Variants in CADM2 observed in about 807,000 individuals in gnomAD.
CADM2 encodes the protein immunoglobulin superfamily member 4D.
Under a neutral mutation model 49.8 loss-of-function variants are expected in CADM2, and 12 were observed. That is an observed-to-expected ratio of 0.24 (90% CI 0.15 to 0.39). The LOEUF is 0.39. CADM2 is among the 10% of genes least tolerant of loss of function. The pLI, the probability that CADM2 is intolerant of heterozygous loss-of-function variation, is 1.00. For missense variants in CADM2, 378 were observed against 492.3 expected, an observed-to-expected ratio of 0.77 and a Z score of 2.20; for synonymous variants, 214 against 175.4, an observed-to-expected ratio of 1.22 and a Z score of -1.74.
At chr3:85,105,280 G>A (rs1391446757) in intron 1 of CADM2, among the ~76,000 whole-genome samples, 1 of 152,110 alleles carries the variant, frequency 6.6e-6, no homozygotes, top group Non-Finnish European at 1.5e-5. Flanking sequence ...CAAAAAGTGG[G>A]CAAAGGACAT....
chr3:85,665,385 T>C (rs967479500), intron 1 of CADM2, among the ~76,000 whole-genome samples: 3 of 152,006 alleles, frequency 2.0e-5, no homozygotes, highest in African/African-American at 7.2e-5. Flanking sequence ...AGAATCATAA[T>C]TGGCCTGCAA....
chr3:85,420,681 G>A (rs1301908359), intron 1 of CADM2, among the ~76,000 whole-genome samples: 2 of 152,070 alleles, frequency 1.3e-5, no homozygotes, highest in African/African-American at 4.8e-5. Flanking sequence ...GATAAAGACA[G>A]CCATAAAACA....
chr3:85,052,868 T>C (rs1484884730), intron 1 of CADM2, among the ~76,000 whole-genome samples: 1 of 152,040 alleles, frequency 6.6e-6, no homozygotes, highest in Non-Finnish European at 1.5e-5. Flanking sequence ...GAAAAATGAA[T>C]TAGTGCTGCA....
intron 1 of CADM2, among the ~76,000 whole-genome samples, chr3:85,330,776 G>A (rs984268020): frequency 6.8e-6 from 1 of 147,290 alleles, no homozygotes; most frequent in Non-Finnish European, 1.5e-5. Context: ...GAGCAACATA[G>A]GGAGACTCCA....
intron 1 of CADM2, among the ~76,000 whole-genome samples, chr3:85,548,537 A>T (rs2061724832): frequency 8.8e-6 from 1 of 113,668 alleles, no homozygotes; most frequent in Non-Finnish European, 2.1e-5. Flanking sequence ...TTTGCAATGT[A>T]TTAAATAATC....
intron 1 of CADM2, among the ~76,000 whole-genome samples, chr3:84,961,497 C>G (rs1400069074): frequency 3.3e-5 from 5 of 152,210 alleles, no homozygotes; most frequent in African/African-American, 1.2e-4. Context: ...ACACCCCCAT[C>G]CTCACACAAG....
intron 1 of CADM2, among the ~76,000 whole-genome samples, chr3:85,701,524 G>T (rs1054656643): frequency 6.6e-6 from 1 of 151,090 alleles, no homozygotes; most frequent in South Asian, 2.1e-4. Context: ...CCTTTGTCCT[G>T]TCTGTCTAGT....
At chr3:85,747,452 G>T (rs1161062637) in intron 2 of CADM2, among the ~76,000 whole-genome samples, 1 of 152,006 alleles carries the variant, frequency 6.6e-6, no homozygotes, top group Non-Finnish European at 1.5e-5. Flanking sequence ...CCAATTAGAA[G>T]GAAAGAGTAA....
At chr3:85,041,161 C>A (rs528899990) in intron 1 of CADM2, among the ~76,000 whole-genome samples, 1 of 152,242 alleles carries the variant, frequency 6.6e-6, no homozygotes, top group African/African-American at 2.4e-5. Flanking sequence ...TTTCTTTAAA[C>A]TTATTGTGTA....
At chr3:85,166,893 T>A (rs558521551) in intron 1 of CADM2, among the ~76,000 whole-genome samples, 6 of 152,082 alleles carry the variant, frequency 3.9e-5, no homozygotes, top group Admixed American at 3.9e-4. Context: ...TTGTATTGTA[T>A]ATGATAAAAT....
chr3:85,433,521 C>A (rs543626155), intron 1 of CADM2, among the ~76,000 whole-genome samples: 2 of 152,200 alleles, frequency 1.3e-5, no homozygotes, highest in Middle Eastern at 6.8e-3. Flanking sequence ...GGAAAGCAAT[C>A]TCTTGCTCCT....
chr3:86,037,857 A>G (rs9810861), intron 8 of CADM2, among the ~76,000 whole-genome samples: 106,098 of 152,022 alleles, frequency 0.7, 38,687 homozygotes, highest in African/African-American at 0.92. Context: ...TCTAAGTTCC[A>G]GAATACATGG....
chr3:85,592,187 A>G (rs1347877491), intron 1 of CADM2, among the ~76,000 whole-genome samples: 2 of 152,000 alleles, frequency 1.3e-5, no homozygotes, highest in African/African-American at 4.8e-5. Flanking sequence ...AACATTGATA[A>G]AACATATTAT....
intron 1 of CADM2, among the ~76,000 whole-genome samples, chr3:85,501,640 T>C (rs2040119778): frequency 6.6e-6 from 1 of 152,134 alleles, no homozygotes; most frequent in South Asian, 2.1e-4. Flanking sequence ...TATATCATAA[T>C]TTATACTTCA....
At chr3:85,799,738 C>T (rs2071877705) in intron 2 of CADM2, among the ~76,000 whole-genome samples, 2 of 152,274 alleles carry the variant, frequency 1.3e-5, no homozygotes, top group South Asian at 4.1e-4. Flanking sequence ...AAGATTGCTG[C>T]CTGCTCCTTC....
chr3:85,459,520 G>A (rs2038143293), intron 1 of CADM2, among the ~76,000 whole-genome samples: 1 of 152,178 alleles, frequency 6.6e-6, no homozygotes, highest in African/African-American at 2.4e-5. Flanking sequence ...GTGTGTAGCA[G>A]AGATGCTTAA....
At chr3:85,034,790 CTTTTTTTT>C (rs1179967499) in intron 1 of CADM2, among the ~76,000 whole-genome samples, 9 of 84,096 alleles carry the variant, frequency 1.1e-4, no homozygotes, top group African/African-American at 3.2e-4. Flanking sequence ...AGACATTTTG[CTTTTTTTT>C]TTTTTTTTTT....
intron 1 of CADM2, among the ~76,000 whole-genome samples, chr3:85,054,938 T>G (rs1206600373): frequency 1.3e-5 from 2 of 151,870 alleles, no homozygotes; most frequent in Non-Finnish European, 2.9e-5. Flanking sequence ...CTGTGAAAAA[T>G]GATTATGACT....
intron 1 of CADM2, among the ~76,000 whole-genome samples, chr3:85,295,354 T>C (rs949137912): frequency 2.6e-5 from 4 of 152,166 alleles, no homozygotes; most frequent in Non-Finnish European, 5.9e-5. Flanking sequence ...GACTGTAAAC[T>C]AGTTCAACCA....
Sources: gnomAD v4.1 joint callset for allele counts (sites outside exome capture counted in the v4.1 genomes callset) on GRCh38, gnomAD v4.1.1 for gene constraint, MANE v1.5 for transcripts, NCBI Gene and HGNC (gene_info 2026-07-23, HGNC 2026-07-21) for gene names.